Variants in PARP14 observed in about 807,000 individuals in gnomAD.
The protein encoded by PARP14 is protein mono-ADP-ribosyltransferase PARP14.
In PARP14, 59 loss-of-function variants were observed where a neutral mutation model predicts 154.2. The observed-to-expected ratio is 0.38, with a 90% CI of 0.31 to 0.48. The LOEUF (loss-of-function observed/expected upper bound fraction) is 0.48, where lower values mean the gene tolerates loss of function less well. Ranked by LOEUF, PARP14 falls within the 20% of genes least tolerant of loss-of-function variation. The pLI, the probability that PARP14 is intolerant of heterozygous loss-of-function variation, is 0.98. For synonymous variants in PARP14, 720 were observed against 780.5 expected (o/e 0.92, Z 1.29); for missense variants, 1,734 against 2,131.6 (o/e 0.81, Z 3.67).
chr3:122,727,797 T>G lies in PARP14; in HGVS notation c.4942-15T>G. 1 of 1,565,928 alleles carries G rather than the reference T, an allele frequency of 6.4e-7. No individual in the cohort carries two copies. ...TCTTGGAACTGGCAGAATATTATCC[T>G]TTATTAATTTGCAGATTGAGAGGAT... is the stretch of plus-strand genomic sequence containing the variant. On this transcript the variant is annotated splice_polypyrimidine_tract_variant and intron_variant, in intron 15 of 16. Coordinates refer to ENST00000474629, the MANE Select transcript of PARP14 (RefSeq NM_017554.3).
Position 122,718,383 on chromosome 3 carries a change from C to T in PARP14, c.4232C>T (p.Ser1411Phe). ...LASFLGFSKQSPQKKNHLVLE... is the reference protein window; with the variant it reads ...LASFLGFSKQFPQKKNHLVLE... ...GCATTTTTGGGCTTTTCAAAGCAATCTCCCCAAAAAAAGAATCATTTGGTT... is the reference window on the plus strand; with the variant it reads ...GCATTTTTGGGCTTTTCAAAGCAATTTCCCCAAAAAAAGAATCATTTGGTT... Residue 1411 changes from serine (S) to phenylalanine (F), a missense_variant, in exon 14 of 17, where the codon TCT (serine) becomes TTT (phenylalanine). By Grantham distance (155) the Ser-to-Phe change is radical. This residue lies in a region of PARP14 where 1,646 missense variants were observed against 1,976.0 expected (regional missense o/e 0.83). Transcript: ENST00000474629. 1 of 1,611,944 alleles carries T rather than the reference C, an allele frequency of 6.2e-7. No homozygotes were observed. Among genetic ancestry groups the T allele is most frequent in the Non-Finnish European group, 8.5e-7 (1 of 1,179,276 alleles).
At position 122,695,597 on chromosome 3, in the gene PARP14, G is replaced by A. The variant is rs1576585421; in HGVS notation, c.770G>A (p.Arg257Lys). The A allele has an allele frequency of 3.7e-6, 6 of 1,610,918 alleles. No individual in the cohort carries two copies. The East Asian group carries it at 1.3e-4, about 36-fold the overall frequency. Residue 257 changes from arginine to lysine, a missense_variant, in exon 5 of 17, where the codon AGA becomes AAA. Coordinates refer to ENST00000474629, the MANE Select transcript of PARP14 (RefSeq NM_017554.3). ...GAAAATCCCTATAATGGAGGGGGAA[G>A]AGTTGCCAATGTTGAATATTTTCCT... The part of the protein sequence containing the change: ...FFENPYNGGG[R>K]VANVEYFPEE...
chr3:122,692,977 C>A (rs1048054446), intron 4 of PARP14, among the ~76,000 whole-genome samples: 1 of 152,210 alleles, frequency 6.6e-6, no homozygotes, highest in Non-Finnish European at 1.5e-5. Context: ...AGAGTGCTTA[C>A]TATAAGCCAG....
intron 4 of PARP14, among the ~76,000 whole-genome samples, chr3:122,693,909 T>C (rs938090610): frequency 2.6e-5 from 4 of 152,006 alleles, no homozygotes; most frequent in African/African-American, 4.8e-5. Context: ...ACCTGAGACG[T>C]AGTAATGACT....
chr3:122,720,561 A>T, intron 15 of PARP14, 173 bp downstream of exon 15: 1 of 664,280 alleles, frequency 1.5e-6, no homozygotes, highest in Non-Finnish European at 2.7e-6. Flanking sequence ...TTACTGAGGC[A>T]TTAAGATTCT....
In PARP14 at chr3:122,700,590, C is replaced by T; in HGVS notation, c.2036C>T (p.Pro679Leu). Residue 679 changes from proline (P) to leucine (L), a missense_variant, in exon 6 of 17, where the codon CCT becomes CTT. Pro to Leu is a moderately conservative substitution (Grantham distance 98, BLOSUM62 -3). Around this residue, in one of 2 missense-constraint regions of PARP14, gnomAD observed 1,646 missense variants for 1,976.0 expected, o/e 0.83. Coordinates refer to ENST00000474629, the MANE Select transcript of PARP14 (RefSeq NM_017554.3). ...MKIERLVEVK[P>L]SLVIDYLKTE... The stretch of plus-strand genomic sequence containing the variant: ...ATAGAGAGACTGGTTGAAGTAAAGC[C>T]TTCCTTAGTTATTGACTATTTAAAG... 1 of 1,597,456 alleles carries T rather than the reference C, an allele frequency of 6.3e-7. No homozygotes were observed. Among genetic ancestry groups the T allele is most frequent in the Non-Finnish European group, 8.5e-7 (1 of 1,171,236 alleles).
At chr3:122,694,443 G>T (rs1389721772) in intron 4 of PARP14, among the ~76,000 whole-genome samples, 1 of 152,104 alleles carries the variant, frequency 6.6e-6, no homozygotes, top group Non-Finnish European at 1.5e-5. Context: ...CTCCCACATG[G>T]ATGATGCACT....
At chr3:122,691,680 C>G (rs1341072151) in intron 3 of PARP14, among the ~76,000 whole-genome samples, 1 of 152,112 alleles carries the variant, frequency 6.6e-6, no homozygotes, top group Non-Finnish European at 1.5e-5. Flanking sequence ...ATACCATATG[C>G]TAGCAATACA....
At chr3:122,692,569 C>G (rs772553068) in intron 4 of PARP14, 26 bp downstream of exon 4, 22 of 1,585,220 alleles carry the variant, frequency 1.4e-5, no homozygotes, top group Non-Finnish European at 1.8e-5. Flanking sequence ...ACTTCCTCTG[C>G]CTGTCTTCTT....
At position 122,700,899 on chromosome 3, in the gene PARP14, A is replaced by C. The variant is rs1411481400; in HGVS notation, c.2345A>C (p.Lys782Thr). 6.2e-7 allele frequency: 1 copy of C among 1,613,902 alleles called. No homozygotes were observed. The highest frequency in any genetic ancestry group is 8.5e-7 in the Non-Finnish European group (1 of 1,179,882). ...YIELQENEVM[K>T]EGGSPAGQKC... ...GAACTACAGGAGAATGAAGTAATGA[A>C]GGAGGGAGGCAGCCCCGCTGGGCAG... The change falls in exon 6 of 17, where the codon AAG becomes ACG. Residue 782 changes from lysine (K) to threonine (T), a missense_variant. Transcript: ENST00000474629.
At chr3:122,689,626 T>G (rs191193760) in intron 3 of PARP14, among the ~76,000 whole-genome samples, 2 of 152,262 alleles carry the variant, frequency 1.3e-5, no homozygotes, top group East Asian at 3.9e-4. Context: ...CTTTTAAAGT[T>G]TTCCTTATCC....
rs1329598974 is a variant in PARP14 at position 122,699,919 on chromosome 3, C to T, written c.1365C>T (p.Ser455=). The T allele has an allele frequency of 3.7e-6, 6 of 1,613,902 alleles. No individual in the cohort carries two copies. The highest frequency in any genetic ancestry group is 4.2e-6 in the Non-Finnish European group (5 of 1,179,846). ...TACAAGTCAGGGAGTTAATAGAAAG[C>T]ACTACTCAAAAAATTAAAAGGGAAG... is the stretch of plus-strand genomic sequence containing the variant. ...IEVQVRELIE[S]TTQKIKREEQ... is the part of the protein sequence containing the mutation. The change falls in exon 6 of 17, where the codon AGC becomes AGT. Residue 455 remains serine (S), a synonymous_variant. Coordinates refer to ENST00000474629, the MANE Select transcript of PARP14 (RefSeq NM_017554.3).
intron 9 of PARP14, among the ~76,000 whole-genome samples, chr3:122,712,397 C>T (rs1315504853): frequency 6.6e-6 from 1 of 152,112 alleles, no homozygotes; most frequent in Non-Finnish European, 1.5e-5. Context: ...CCTGTGCCAC[C>T]ACGCCCAGCT....
intron 5 of PARP14, among the ~76,000 whole-genome samples, chr3:122,697,713 AAG>A (rs755775580): frequency 1.3e-5 from 2 of 152,240 alleles, no homozygotes; most frequent in Non-Finnish European, 2.9e-5. Context: ...TTTATTTCTT[AAG>A]AGAATTTTCA....
At chr3:122,725,013 A>G (rs1037788885) in intron 15 of PARP14, among the ~76,000 whole-genome samples, 1 of 152,252 alleles carries the variant, frequency 6.6e-6, no homozygotes. Flanking sequence ...AATTTTTCTT[A>G]GTACAGAACA....
Position 122,703,804 on chromosome 3 carries a change from G to C in PARP14, c.3144G>C (p.Lys1048Asn), listed in dbSNP as rs1939061120. 6.2e-7 allele frequency: 1 copy of C among 1,613,876 alleles called. No homozygotes were observed. Among genetic ancestry groups the C allele is most frequent in the Admixed American group, 1.7e-5 (1 of 60,002 alleles). The part of the protein sequence containing the change: ...DLVLSRGPLS[K>N]SLLEKAGPEL... ...TGCTTAGTAGAGGGCCTCTTTCTAA[G>C]TCCCTCTTGGAAAAAGCTGGACCAG... The change falls in exon 7 of 17, where the codon AAG (lysine) becomes AAC (asparagine). Residue 1048 changes from lysine to asparagine, a missense_variant. Transcript: ENST00000474629.
At chr3:122,688,701 G>A (rs72964306) in intron 3 of PARP14, among the ~76,000 whole-genome samples, 9,117 of 152,230 alleles carry the variant, frequency 0.06, 317 homozygotes, top group Middle Eastern at 0.088. Flanking sequence ...TGGAGAATAG[G>A]TACTGACTGG....
rs373889007 is a variant in PARP14, at chr3:122,713,952, T to A, written c.3832+18T>A. 2.6e-5 allele frequency: 41 copies of A among 1,599,546 alleles called. No homozygotes were observed. In the African/African-American group the frequency reaches 4.3e-4, roughly 17 times the overall value. ...TCAGCAAGGTAAGGCATATTCTATTTTTTGGTCCTAAGTTGTAATTGTATG... is the reference window on the plus strand; with the variant it reads ...TCAGCAAGGTAAGGCATATTCTATTATTTGGTCCTAAGTTGTAATTGTATG... On this transcript the variant is annotated intron_variant, in intron 11 of 16. Coordinates refer to ENST00000474629, the MANE Select transcript of PARP14 (RefSeq NM_017554.3).
At chr3:122,685,959 A>G (rs17270102) in intron 2 of PARP14, among the ~76,000 whole-genome samples, 9,213 of 152,112 alleles carry the variant, frequency 0.061, 322 homozygotes, top group Middle Eastern at 0.088. Flanking sequence ...TTTCTATGTC[A>G]TTTTGAGGAG....
Sources: gnomAD v4.1 joint callset for allele counts (sites outside exome capture counted in the v4.1 genomes callset) on GRCh38, gnomAD v4.1.1 for gene constraint, gnomAD v4.1.1 regional missense constraint, MANE v1.5 for transcripts, NCBI Gene and HGNC (gene_info 2026-07-23, HGNC 2026-07-21) for gene names.